The following PAWR variants were observed in gnomAD, a reference collection of about 807,000 sequenced individuals.
PAWR encodes the protein PRKC apoptosis WT1 regulator protein.
Under a neutral mutation model 32.0 loss-of-function variants are expected in PAWR, and 23 were observed. The observed-to-expected ratio is 0.72, with a 90% CI of 0.52 to 1.02. PAWR has a LOEUF of 1.02. Ranked by LOEUF, PAWR falls within the 50% of genes least tolerant of loss-of-function variation. The pLI, the probability that PAWR is intolerant of heterozygous loss-of-function variation, is 0.00. For synonymous variants in PAWR, 226 were observed against 187.1 expected, an observed-to-expected ratio of 1.21 and a Z score of -1.70; for missense variants, 457 against 437.7, an observed-to-expected ratio of 1.04 and a Z score of -0.39.
At chr12:79,667,542 CAAGTT>C (rs1310645362) in intron 2 of PAWR, among the ~76,000 whole-genome samples, 1 of 152,032 alleles carries the variant, frequency 6.6e-6, no homozygotes, top group Non-Finnish European at 1.5e-5. Flanking sequence ...GTAAAGATTA[CAAGTT>C]AAGAGACATT....
rs1816033241 is a variant in PAWR, at chr12:79,685,149, A to T, written c.516+4580T>A. 2.0e-5 allele frequency among the ~76,000 whole-genome samples: 3 copies of T among 152,198 alleles called. No individual in the cohort carries two copies. In the South Asian group the frequency reaches 6.2e-4, roughly 32 times the overall value. On this transcript the variant is annotated intron_variant, in intron 2 of 6. Transcript: ENST00000328827. ...CTCAGACAACTCAGTACAAATCCTG[A>T]TAATATTAAAATTTCAATTTACTTT...
At chr12:79,674,328 CTGAGA>C (rs989401801) in intron 2 of PAWR, among the ~76,000 whole-genome samples, 1 of 151,846 alleles carries the variant, frequency 6.6e-6, no homozygotes, top group African/African-American at 2.4e-5. Flanking sequence ...ATAAACAGTG[CTGAGA>C]TAACTGGCTA....
At chr12:79,687,915 G>C (rs1365321621) in intron 2 of PAWR, among the ~76,000 whole-genome samples, 1 of 152,092 alleles carries the variant, frequency 6.6e-6, no homozygotes, top group African/African-American at 2.4e-5. Flanking sequence ...CCTGCAGCTT[G>C]AAACGGACAG....
At chr12:79,655,952 C>T (rs993720000) in intron 2 of PAWR, among the ~76,000 whole-genome samples, 7 of 152,260 alleles carry the variant, frequency 4.6e-5, no homozygotes, top group South Asian at 4.1e-4. Flanking sequence ...AACCCAGATC[C>T]GGGATCAAGA....
chr12:79,662,921 C>CA (rs1330698395), intron 2 of PAWR, among the ~76,000 whole-genome samples: 3 of 152,040 alleles, frequency 2.0e-5, no homozygotes, highest in Admixed American at 6.6e-5. Flanking sequence ...TCATTAAAAA[C>CA]AAAAAATAGC....
chr12:79,647,203 A>G (rs943229563), intron 2 of PAWR, among the ~76,000 whole-genome samples: 1 of 152,026 alleles, frequency 6.6e-6, no homozygotes, highest in Non-Finnish European at 1.5e-5. Context: ...AAAGGAAAGA[A>G]ATGGCAGTAG....
At position 79,590,861 on chromosome 12, in the gene PAWR, TC is replaced by T. The variant is rs1372067595; in HGVS notation, c.*1745del. The T allele has an allele frequency of 6.6e-6, 1 of 152,190 alleles. No individual in the cohort carries two copies. Among genetic ancestry groups the T allele is most frequent in the East Asian group, 1.9e-4 (1 of 5,192 alleles). 9.4% of individuals were successfully genotyped at this position (152,190 alleles called of 1,614,324 possible). A position where few individuals can be genotyped will look rare whatever the true frequency, so the allele number is the denominator to read the frequency against. On this transcript the variant is annotated 3_prime_UTR_variant, in exon 7 of 7. Transcript: ENST00000328827. ...TCTGTAACTATATTAAATTTGGTAA[TC>T]TAACATTAAACTTTTTCGTGAGCAG...
intron 2 of PAWR, chr12:79,668,396 G>A (rs1463053267): frequency 2.0e-5 from 3 of 152,100 alleles, no homozygotes; most frequent in Non-Finnish European, 4.4e-5. Context: ...TCTTACTTCT[G>A]AACTCTTTAC....
At chr12:79,608,389 A>C (rs1342909689) in intron 4 of PAWR, among the ~76,000 whole-genome samples, 1 of 152,172 alleles carries the variant, frequency 6.6e-6, no homozygotes, top group Non-Finnish European at 1.5e-5. Context: ...CATGTAACCT[A>C]GGTCCCTCGC....
At chr12:79,619,566 AG>A (rs1451937376) in intron 3 of PAWR, among the ~76,000 whole-genome samples, 1 of 152,196 alleles carries the variant, frequency 6.6e-6, no homozygotes, top group Admixed American at 6.5e-5. Context: ...CTATGATTTC[AG>A]GCATCCATTG....
intron 4 of PAWR, chr12:79,604,715 T>G: frequency 4.7e-6 from 6 of 1,286,392 alleles, no homozygotes; most frequent in Non-Finnish European, 6.1e-6. Flanking sequence ...AGGGTTTATC[T>G]CTCTTCCTTT....
intron 3 of PAWR, among the ~76,000 whole-genome samples, chr12:79,616,374 A>G (rs556490698): frequency 6.6e-6 from 1 of 152,262 alleles, no homozygotes; most frequent in South Asian, 2.1e-4. Flanking sequence ...GCTAAATGAG[A>G]GCAACCCTTA....
intron 2 of PAWR, among the ~76,000 whole-genome samples, chr12:79,664,824 C>T (rs1056483777): frequency 6.6e-6 from 1 of 151,742 alleles, no homozygotes; most frequent in Non-Finnish European, 1.5e-5. Context: ...AAGGCCTATA[C>T]TTGAACAAAA....
chr12:79,650,764 G>A (rs1291011381), intron 2 of PAWR, among the ~76,000 whole-genome samples: 7 of 150,210 alleles, frequency 4.7e-5, no homozygotes, highest in African/African-American at 1.2e-4. Context: ...GCAGTGGGCC[G>A]GACTTGGCCT....
At position 79,656,695 on chromosome 12, in the gene PAWR, G is replaced by C. The variant is rs533820754; in HGVS notation, c.516+33034C>G. On this transcript the variant is annotated intron_variant, in intron 2 of 6. Coordinates refer to ENST00000328827, the MANE Select transcript of PAWR (RefSeq NM_002583.4). ...TTAGTAAATTCAATAATGACATCCA[G>C]TTCTGGCCAAGTTGGAATAATTGGG... Among the ~76,000 whole-genome samples, 252 of 152,280 alleles carry C rather than the reference G, an allele frequency of 1.7e-3. 2 individuals are homozygous for C. Among genetic ancestry groups the C allele is most frequent in the Non-Finnish European group, 2.1e-3 (140 of 68,032 alleles).
chr12:79,689,987 G>C lies in PAWR; in HGVS notation c.258C>G (p.Pro86=). 7.6e-7 allele frequency: 1 copy of C among 1,317,640 alleles called. No homozygotes were observed. The allele number at this position is 1,317,640 out of a possible 1,614,324, so 81.6% of individuals were successfully genotyped here. Residue 86 remains proline (P), a synonymous_variant, in exon 2 of 7, where the codon CCC becomes CCG. Transcript: ENST00000328827. ...GAPAAPAVPG[P]GGVNCAVGSA... ...AGCCGACCGCGCAGTTCACGCCCCC[G>C]GGACCGGGGACGGCAGGTGCGGCCG... is the stretch of plus-strand genomic sequence containing the variant.
At chr12:79,628,778 T>C (rs1187315981) in intron 2 of PAWR, among the ~76,000 whole-genome samples, 2 of 152,092 alleles carry the variant, frequency 1.3e-5, no homozygotes, top group Non-Finnish European at 2.9e-5. Flanking sequence ...GGTATCTCCT[T>C]AACATGTAAG....
At chr12:79,649,556 G>C (rs180882763) in intron 2 of PAWR, among the ~76,000 whole-genome samples, 1 of 152,102 alleles carries the variant, frequency 6.6e-6, no homozygotes, top group East Asian at 1.9e-4. Context: ...AGAGGCCCAC[G>C]CAGAAGGATT....
At chr12:79,617,419 T>C (rs867830780) in intron 3 of PAWR, among the ~76,000 whole-genome samples, 3 of 152,134 alleles carry the variant, frequency 2.0e-5, no homozygotes, top group African/African-American at 7.2e-5. Context: ...TATACCAGTA[T>C]GATTAGAGAC....
Sources: gnomAD v4.1 joint callset for allele counts (sites outside exome capture counted in the v4.1 genomes callset) on GRCh38, gnomAD v4.1.1 for gene constraint, MANE v1.5 for transcripts, NCBI Gene and HGNC (gene_info 2026-07-23, HGNC 2026-07-21) for gene names.